COG5: variants seen among roughly 807,000 people sequenced by gnomAD.
COG5 encodes conserved oligomeric Golgi complex subunit 5.
A neutral mutation model predicts 110.4 loss-of-function variants in COG5; 86 were observed. That is an observed-to-expected ratio of 0.78 (90% CI 0.65 to 0.93). COG5 has a LOEUF of 0.93. Among genes scored for constraint, COG5 ranks in the 40% least tolerant of loss-of-function variants. The pLI is 0.00. For synonymous variants in COG5, 360 were observed against 334.6 expected (o/e 1.08, Z -0.83); for missense variants, 1,077 against 987.0 (o/e 1.09, Z -1.22).
At chr7:107,531,136 C>CA (rs1801173065) in intron 5 of COG5, among the ~76,000 whole-genome samples, 1 of 151,358 alleles carries the variant, frequency 6.6e-6, no homozygotes, top group Non-Finnish European at 1.5e-5. Context: ...CTCTTTTTTT[C>CA]ATTGCAATTT....
At chr7:107,363,868 T>C (rs1179283166) in intron 8 of COG5, among the ~76,000 whole-genome samples, 1 of 151,826 alleles carries the variant, frequency 6.6e-6, no homozygotes, top group Non-Finnish European at 1.5e-5. Flanking sequence ...GGCAGGAGAA[T>C]TGCTTGAACC....
intron 12 of COG5, among the ~76,000 whole-genome samples, chr7:107,286,173 G>A (rs370036657): frequency 6.6e-6 from 1 of 152,134 alleles, no homozygotes; most frequent in Non-Finnish European, 1.5e-5. Flanking sequence ...GCCCTGAGGA[G>A]AGACCATACC....
At chr7:107,388,709 T>C (rs1333819852) in intron 7 of COG5, among the ~76,000 whole-genome samples, 2 of 152,182 alleles carry the variant, frequency 1.3e-5, no homozygotes, top group African/African-American at 4.8e-5. Flanking sequence ...TGAACAGTAA[T>C]GTACGGTGTG....
chr7:107,410,213 T>G (rs1187258990), intron 7 of COG5, among the ~76,000 whole-genome samples: 1 of 152,122 alleles, frequency 6.6e-6, no homozygotes, highest in Admixed American at 6.5e-5. Context: ...AAATTCTGGG[T>G]GTTGGGCTCA....
intron 14 of COG5, among the ~76,000 whole-genome samples, chr7:107,274,841 G>A (rs1184799739): frequency 6.6e-6 from 1 of 151,834 alleles, no homozygotes; most frequent in Non-Finnish European, 1.5e-5. Context: ...ATTGCTCTCT[G>A]TTTTCAATAT....
intron 3 of COG5, among the ~76,000 whole-genome samples, chr7:107,549,551 C>T (rs1222660186): frequency 6.7e-6 from 1 of 148,556 alleles, no homozygotes; most frequent in East Asian, 2.0e-4. Context: ...ACCACCACGC[C>T]CAGCTAATTT....
At chr7:107,489,407 C>T (rs1258145325) in intron 6 of COG5, among the ~76,000 whole-genome samples, 4 of 152,132 alleles carry the variant, frequency 2.6e-5, no homozygotes, top group Non-Finnish European at 5.9e-5. Context: ...AAAAAGAAAG[C>T]TGTATAGTTC....
At chr7:107,412,900 G>C (rs1248916859) in intron 6 of COG5, among the ~76,000 whole-genome samples, 1 of 152,060 alleles carries the variant, frequency 6.6e-6, no homozygotes, top group Admixed American at 6.6e-5. Context: ...GAAATGTCAA[G>C]AGATCACATT....
chr7:107,286,392 C>T (rs185314819), intron 12 of COG5, among the ~76,000 whole-genome samples: 53 of 152,328 alleles, frequency 3.5e-4, no homozygotes, highest in Admixed American at 3.2e-3. Context: ...TGTCTATAGT[C>T]ATCCTTTTTC....
chr7:107,512,842 A>G (rs1325363402), intron 6 of COG5, among the ~76,000 whole-genome samples: 2 of 151,172 alleles, frequency 1.3e-5, no homozygotes, highest in African/African-American at 2.4e-5. Flanking sequence ...CTGGCTAGCC[A>G]TATGTAGAAA....
chr7:107,342,989 T>C (rs908484838), intron 10 of COG5, among the ~76,000 whole-genome samples: 6 of 152,186 alleles, frequency 3.9e-5, no homozygotes, highest in Non-Finnish European at 7.3e-5. Context: ...AATAGTAGAT[T>C]AGATAACAAA....
intron 7 of COG5, among the ~76,000 whole-genome samples, chr7:107,394,623 C>T (rs1790856714): frequency 1.3e-5 from 2 of 152,146 alleles, no homozygotes; most frequent in South Asian, 4.1e-4. Flanking sequence ...TTTTAGTTTA[C>T]AAAGCCATAG....
intron 19 of COG5, among the ~76,000 whole-genome samples, chr7:107,212,755 G>T (rs1799270281): frequency 6.6e-6 from 1 of 152,108 alleles, no homozygotes; most frequent in Admixed American, 6.6e-5. Context: ...ACTAAAACTT[G>T]GGAATGAGAA....
chr7:107,507,345 G>A (rs1388226965), intron 6 of COG5, among the ~76,000 whole-genome samples: 1 of 148,078 alleles, frequency 6.8e-6, no homozygotes, highest in East Asian at 2.0e-4. Flanking sequence ...CCAGGCTGGA[G>A]TGCAGTGGTG....
At chr7:107,335,928 TA>T (rs1200832913) in intron 10 of COG5, among the ~76,000 whole-genome samples, 1 of 152,082 alleles carries the variant, frequency 6.6e-6, no homozygotes, top group Non-Finnish European at 1.5e-5. Flanking sequence ...ATAACAATTA[TA>T]AATATGTATG....
chr7:107,295,458 A>G (rs1207346417), intron 12 of COG5, among the ~76,000 whole-genome samples: 1 of 151,996 alleles, frequency 6.6e-6, no homozygotes, highest in Non-Finnish European at 1.5e-5. Flanking sequence ...CAAGTAATGA[A>G]TCATGAAAAA....
intron 6 of COG5, among the ~76,000 whole-genome samples, chr7:107,417,352 C>T (rs149064198): frequency 4.6e-5 from 7 of 152,172 alleles, no homozygotes; most frequent in African/African-American, 1.7e-4. Context: ...TTTACAATGT[C>T]TTCTTTATTA....
At chr7:107,251,062 G>T (rs1167856211) in intron 16 of COG5, among the ~76,000 whole-genome samples, 1 of 139,452 alleles carries the variant, frequency 7.2e-6, no homozygotes, top group South Asian at 2.3e-4. Context: ...GGATAATTTT[G>T]ATGAGAACTA....
At chr7:107,412,732 C>T (rs1048602768) in intron 6 of COG5, 100 bp from the exon 7 acceptor site, 24 of 746,282 alleles carry the variant, frequency 3.2e-5, no homozygotes, top group East Asian at 5.7e-5. Context: ...AAACAAAAAA[C>T]GCTATTAAAC....
Sources: allele counts gnomAD v4.1 joint callset (sites outside exome capture counted in the v4.1 genomes callset), GRCh38; gene constraint gnomAD v4.1.1; transcripts MANE v1.5; gene names NCBI Gene and HGNC (gene_info 2026-07-23, HGNC 2026-07-21).